The following COL28A1 variants were observed in gnomAD, a reference collection of about 807,000 sequenced individuals.
The protein encoded by COL28A1 is collagen type XXVIII alpha 1 chain.
A neutral mutation model predicts 150.2 loss-of-function variants in COL28A1; 161 were observed. The observed-to-expected ratio is 1.07, with a 90% CI of 0.94 to 1.22. The LOEUF is 1.22. COL28A1 is among the 50% of genes most tolerant of loss of function. The pLI is 0.00. For missense variants in COL28A1, 1,617 were observed against 1,388.3 expected (o/e 1.16, Z -2.62); for synonymous variants, 552 against 469.7 (o/e 1.18, Z -2.26).
Position 7,358,793 on chromosome 7 carries a change from A to C in COL28A1, c.3218T>G (p.Leu1073Trp). The C allele has an allele frequency of 6.2e-7, 1 of 1,613,786 alleles. No homozygotes were observed. Residue 1073 changes from leucine to tryptophan, a missense_variant, in exon 35 of 35, where the codon TTG becomes TGG. Physicochemically the swap from Leu to Trp is moderately conservative, Grantham distance 61. Transcript: ENST00000399429. ...PVDGAEDPRC[L>W]EALKPGNCGE... ...ACAGTTTCCAGGCTTCAAGGCTTCCAAACATCTAGGATCTAGAGTGAGAAA... is the reference window on the plus strand; with the variant it reads ...ACAGTTTCCAGGCTTCAAGGCTTCCCAACATCTAGGATCTAGAGTGAGAAA...
Position 7,373,278 on chromosome 7 carries a change from G to A in COL28A1, c.2628C>T (p.Tyr876=), listed in dbSNP as rs200187834. 398 of 1,614,050 alleles carry A rather than the reference G, an allele frequency of 2.5e-4. 1 individual carries two copies. Among genetic ancestry groups the A allele is most frequent in the Non-Finnish European group, 3.0e-4 (349 of 1,180,048 alleles). The change falls in exon 32 of 35, where the codon TAC becomes TAT. Residue 876 remains tyrosine (Y), a synonymous_variant. Transcript: ENST00000399429. The surrounding 1 kb of genome is among the most constrained non-coding windows in gnomAD (Gnocchi z 4.1). ...TGGCTGCTTGCAGAGCAGTGGCTGTGTATGTGCCTTCCCCCAGATACTGCA... is the reference window on the plus strand; with the variant it reads ...TGGCTGCTTGCAGAGCAGTGGCTGTATATGTGCCTTCCCCCAGATACTGCA... ...DNMQYLGEGT[Y]TATALQAAND...
intron 30 of COL28A1, among the ~76,000 whole-genome samples, chr7:7,378,819 G>T (rs1050792499): frequency 1.3e-5 from 2 of 152,204 alleles, no homozygotes; most frequent in African/African-American, 4.8e-5. Flanking sequence ...TTAAAGGTGG[G>T]ATCTTAGGTA....
At chr7:7,485,762 A>G (rs1401103019) in intron 13 of COL28A1, among the ~76,000 whole-genome samples, 3 of 152,254 alleles carry the variant, frequency 2.0e-5, no homozygotes, top group East Asian at 3.9e-4. Context: ...TCTGTTGACT[A>G]TACTTGTGTA....
chr7:7,401,233 C>T (rs1339991728), intron 27 of COL28A1, among the ~76,000 whole-genome samples: 1 of 152,122 alleles, frequency 6.6e-6, no homozygotes, highest in Non-Finnish European at 1.5e-5. Flanking sequence ...ATCATACAAA[C>T]TTCCAAATGC....
chr7:7,477,811 C>G (rs966201193), intron 13 of COL28A1, among the ~76,000 whole-genome samples: 1 of 152,154 alleles, frequency 6.6e-6, no homozygotes, highest in Non-Finnish European at 1.5e-5. Context: ...GCTAGGGCAG[C>G]CTGCTTTTAT....
rs1437326663 is a variant in COL28A1 at position 7,502,888 on chromosome 7, G to C, written c.1026+3126C>G. On this transcript the variant is annotated intron_variant, in intron 11 of 34. Coordinates refer to ENST00000399429, the MANE Select transcript of COL28A1 (RefSeq NM_001037763.3). ...AATTTTTTGTATTTTTAGTAGAGACGGGGTTTCACCGTGTTAGCCAGGATG... is the reference window on the plus strand; with the variant it reads ...AATTTTTTGTATTTTTAGTAGAGACCGGGTTTCACCGTGTTAGCCAGGATG... 2.9e-5 allele frequency among the ~76,000 whole-genome samples: 3 copies of C among 103,876 alleles called. 1 individual carries two copies. The highest frequency in any genetic ancestry group is 5.2e-5 in the Non-Finnish European group (3 of 57,258). 68.1% of individuals were successfully genotyped at this position (103,876 alleles called of 152,430 possible). A position where few individuals can be genotyped will look rare whatever the true frequency, so the allele number is the denominator to read the frequency against.
In COL28A1 at chr7:7,437,950, A is replaced by G. The variant is rs973603432; in HGVS notation, c.1723-488T>C. On this transcript the variant is annotated intron_variant, in intron 21 of 34. Coordinates refer to ENST00000399429, the MANE Select transcript of COL28A1 (RefSeq NM_001037763.3). Reference sequence around the variant, plus strand: ...ATCCTTTTTAAGAAGTAGAACCCCTATGGGCTGGGTGTGGTGGCTCACACC... The same window carrying G: ...ATCCTTTTTAAGAAGTAGAACCCCTGTGGGCTGGGTGTGGTGGCTCACACC... Among the ~76,000 whole-genome samples the G allele has an allele frequency of 9.2e-5, 14 of 151,866 alleles. No homozygotes were observed. The South Asian group carries it at 2.7e-3, about 29-fold the overall frequency.
Position 7,531,407 on chromosome 7 carries a change from T to C in COL28A1, c.622A>G (p.Ser208Gly), listed in dbSNP as rs373784511. 24 of 1,600,692 alleles carry C rather than the reference T, an allele frequency of 1.5e-5. No individual in the cohort carries two copies. The African/African-American group carries it at 2.9e-4, about 20-fold the overall frequency. ...KLRLISGDSSSEPTLLLSDPT... is the reference protein window; with the variant it reads ...KLRLISGDSSGEPTLLLSDPT... ...TCACTCAACAGTAAAGTGGGTTCAC[T>C]GGATGAATCCCCAGAAATCAAACGA... The change falls in exon 3 of 35, where the codon AGT becomes GGT. Residue 208 changes from serine (S) to glycine (G), a missense_variant. Physicochemically the swap from Ser to Gly is moderately conservative, Grantham distance 56. Coordinates refer to ENST00000399429, the MANE Select transcript of COL28A1 (RefSeq NM_001037763.3).
intron 3 of COL28A1, among the ~76,000 whole-genome samples, chr7:7,528,013 A>G (rs1263210407): frequency 6.6e-6 from 1 of 152,334 alleles, no homozygotes; most frequent in East Asian, 1.9e-4. Flanking sequence ...GAAAAAATGG[A>G]AAGTGATCAT....
At chr7:7,408,171 T>C (rs1783592504) in intron 27 of COL28A1, among the ~76,000 whole-genome samples, 2 of 152,122 alleles carry the variant, frequency 1.3e-5, no homozygotes. Context: ...GTGCTCATGA[T>C]TCCCGCTCTG....
rs73038779 is a variant in COL28A1 at position 7,362,955 on chromosome 7, G to A, written c.3067-2427C>T. On this transcript the variant is annotated intron_variant, in intron 33 of 34. Transcript: ENST00000399429. The stretch of plus-strand genomic sequence containing the variant: ...AAGTGATCCTCCACATTGGCCTCCT[G>A]AGCTCAGCACCGAGTCCCTTATTTT... Among the ~76,000 whole-genome samples, 813 of 152,048 alleles carry A rather than the reference G, an allele frequency of 5.3e-3. 4 individuals carry two copies. The highest frequency in any genetic ancestry group is 8.6e-3 in the Admixed American group (132 of 15,268).
chr7:7,518,660 T>C (rs1408582586), intron 6 of COL28A1, among the ~76,000 whole-genome samples: 5 of 152,230 alleles, frequency 3.3e-5, no homozygotes, highest in Admixed American at 3.3e-4. Flanking sequence ...CCAGTTTCAC[T>C]GCCACATTGC....
chr7:7,344,271 A>G, the COL28A1 span, among the ~76,000 whole-genome samples: 2 of 151,704 alleles, frequency 1.3e-5, no homozygotes, highest in African/African-American at 4.9e-5. Flanking sequence ...CACCTGGCCT[A>G]TTGTCTCATT....
intron 7 of COL28A1, among the ~76,000 whole-genome samples, chr7:7,516,578 T>G (rs974659912): frequency 1.3e-5 from 2 of 152,190 alleles, no homozygotes; most frequent in Non-Finnish European, 2.9e-5. Context: ...CAGCAAGTCC[T>G]CTTCAAATGG....
At chr7:7,390,302 T>C (rs1265763032) in intron 27 of COL28A1, among the ~76,000 whole-genome samples, 1 of 152,190 alleles carries the variant, frequency 6.6e-6, no homozygotes, top group Non-Finnish European at 1.5e-5. Flanking sequence ...GTTACTTGAT[T>C]TGCGTATGTT....
chr7:7,401,282 C>G (rs1231886722), intron 27 of COL28A1, among the ~76,000 whole-genome samples: 1 of 151,926 alleles, frequency 6.6e-6, no homozygotes, highest in African/African-American at 2.4e-5. Flanking sequence ...TTCTTCTCTT[C>G]TATGTATACT....
At chr7:7,416,924 C>T (rs940787891) in intron 27 of COL28A1, among the ~76,000 whole-genome samples, 1 of 152,046 alleles carries the variant, frequency 6.6e-6, no homozygotes, top group Non-Finnish European at 1.5e-5. Flanking sequence ...TTTGAATGTT[C>T]CCACAGTTTT....
At chr7:7,459,536 A>G (rs1223533226) in intron 15 of COL28A1, among the ~76,000 whole-genome samples, 1 of 152,250 alleles carries the variant, frequency 6.6e-6, no homozygotes, top group Non-Finnish European at 1.5e-5. Context: ...GCTGATATAT[A>G]AATGACTCCA....
intron 15 of COL28A1, among the ~76,000 whole-genome samples, chr7:7,469,704 A>G (rs1258022043): frequency 2.9e-5 from 2 of 68,280 alleles, no homozygotes; most frequent in Non-Finnish European, 5.5e-5. Context: ...ACCTGACTTC[A>G]AACTATACTA....
Sources: gnomAD v4.1 joint callset for allele counts (sites outside exome capture counted in the v4.1 genomes callset) on GRCh38, gnomAD v4.1.1 for gene constraint, Gnocchi (gnomAD v3.1) non-coding constraint, MANE v1.5 for transcripts, NCBI Gene and HGNC (gene_info 2026-07-23, HGNC 2026-07-21) for gene names.